The following AIMP1 variants were observed in gnomAD, a reference collection of about 807,000 sequenced individuals.
AIMP1 encodes aminoacyl tRNA synthetase complex interacting multifunctional protein 1, also known as aminoacyl tRNA synthase complex-interacting multifunctional protein 1.
In AIMP1, 24 loss-of-function variants were observed where a neutral mutation model predicts 33.1. That is an observed-to-expected ratio of 0.73 (90% CI 0.53 to 1.02). AIMP1 has a LOEUF of 1.02. Among genes scored for constraint, AIMP1 ranks in the 50% least tolerant of loss-of-function variants. The pLI is 0.00. For missense variants in AIMP1, 367 were observed against 364.8 expected (o/e 1.01, Z -0.05); for synonymous variants, 120 against 121.5 (o/e 0.99, Z 0.08).
chr4:106,329,807 A>G (rs1259782232), intron 4 of AIMP1, among the ~76,000 whole-genome samples: 1 of 95,138 alleles, frequency 1.1e-5, no homozygotes. Flanking sequence ...TTTTTTGGAG[A>G]CGGAGTCTTG....
At chr4:106,328,901 C>T (rs1044376975) in intron 4 of AIMP1, among the ~76,000 whole-genome samples, 2 of 152,168 alleles carry the variant, frequency 1.3e-5, no homozygotes, top group Non-Finnish European at 2.9e-5. Flanking sequence ...ATTAAAGCCT[C>T]ATCTTTTCTA....
chr4:106,316,267 G>A, upstream of AIMP1: 1 of 355,678 alleles, frequency 2.8e-6, no homozygotes, highest in East Asian at 4.8e-5. Flanking sequence ...ACCCAACGCT[G>A]AGGAAAGACC....
chr4:106,319,470 T>G (rs1423059308), intron 1 of AIMP1, among the ~76,000 whole-genome samples: 1 of 152,180 alleles, frequency 6.6e-6, no homozygotes, highest in Non-Finnish European at 1.5e-5. Context: ...TTTGATGAAG[T>G]ATGATAATTA....
intron 5 of AIMP1, among the ~76,000 whole-genome samples, chr4:106,335,711 G>T (rs761359086): frequency 6.6e-6 from 1 of 151,848 alleles, no homozygotes; most frequent in African/African-American, 2.4e-5. Flanking sequence ...AATTCATTTC[G>T]AATTTGACTC....
chr4:106,348,084 C>G lies in AIMP1; in HGVS notation c.*392C>G, dbSNP rs1217849407. ...TATTGTGTATCTGTATCAAAAATAT[C>G]CTCTCCTTTTCAAAAATGACAGGTT... On this transcript the variant is annotated 3_prime_UTR_variant, in exon 7 of 7. Coordinates refer to ENST00000672341, the MANE Select transcript of AIMP1 (RefSeq NM_001142416.2). The G allele has an allele frequency of 6.3e-6, 1 of 158,440 alleles. No individual in the cohort carries two copies. The highest frequency in any genetic ancestry group is 2.4e-5 in the African/African-American group (1 of 41,414). 9.8% of individuals were successfully genotyped at this position (158,440 alleles called of 1,614,324 possible).
At chr4:106,337,738 A>G (rs548314672) in intron 6 of AIMP1, among the ~76,000 whole-genome samples, 3 of 152,254 alleles carry the variant, frequency 2.0e-5, no homozygotes, top group Admixed American at 2.0e-4. Flanking sequence ...GGTTCAGAAA[A>G]AGATAGGAAA....
chr4:106,339,248 A>T (rs887567817), intron 6 of AIMP1, among the ~76,000 whole-genome samples: 12 of 152,178 alleles, frequency 7.9e-5, no homozygotes, highest in Admixed American at 2.0e-4. Context: ...ATGTGAGGAC[A>T]TGAGATTTGG....
intron 1 of AIMP1, among the ~76,000 whole-genome samples, chr4:106,320,700 G>A (rs1769182457): frequency 6.6e-6 from 1 of 152,016 alleles, no homozygotes; most frequent in Non-Finnish European, 1.5e-5. Flanking sequence ...CAAGGAAGTA[G>A]GAGGTGAAAT....
chr4:106,319,373 A>G (rs1185770815), intron 1 of AIMP1, among the ~76,000 whole-genome samples: 1 of 152,162 alleles, frequency 6.6e-6, no homozygotes, highest in African/African-American at 2.4e-5. Flanking sequence ...TTGTGTGTGT[A>G]TTTTAATGAT....
intron 5 of AIMP1, among the ~76,000 whole-genome samples, chr4:106,336,329 A>G (rs1769881425): frequency 6.6e-6 from 1 of 151,642 alleles, no homozygotes; most frequent in Non-Finnish European, 1.5e-5. Context: ...GGTGTGAGCC[A>G]CCACACCCAG....
chr4:106,320,559 GA>G (rs1769174646), intron 1 of AIMP1, among the ~76,000 whole-genome samples: 1 of 152,010 alleles, frequency 6.6e-6, no homozygotes, highest in Non-Finnish European at 1.5e-5. Context: ...CCCTGGAAAA[GA>G]AAGCTATCCC....
chr4:106,344,245 G>A (rs958143681), intron 6 of AIMP1, among the ~76,000 whole-genome samples: 1 of 151,858 alleles, frequency 6.6e-6, no homozygotes, highest in African/African-American at 2.4e-5. Flanking sequence ...TATTCCTTTG[G>A]CAATTTTACC....
chr4:106,325,182 AATAATGTTT>A lies in AIMP1; in HGVS notation c.109+66_109+74del, dbSNP rs1360505010. 6 of 1,406,334 alleles carry A rather than the reference AATAATGTTT, an allele frequency of 4.3e-6. No homozygotes were observed. In the African/African-American group the frequency reaches 8.6e-5, roughly 20 times the overall value. The allele number at this position is 1,406,334 out of a possible 1,614,324, so 87.1% of individuals were successfully genotyped here. On this transcript the variant is annotated intron_variant, in intron 2 of 6. Coordinates refer to ENST00000672341, the MANE Select transcript of AIMP1 (RefSeq NM_001142416.2). ...TGAATTCATACATTGATGGAGAAAAAATAATGTTTACCGCTTTAAGTTATTTAAGTTTTA... is the reference window on the plus strand; with the variant it reads ...TGAATTCATACATTGATGGAGAAAAAACCGCTTTAAGTTATTTAAGTTTTA...
intron 5 of AIMP1, among the ~76,000 whole-genome samples, chr4:106,335,441 TAAAAA>T (rs932984835): frequency 6.8e-6 from 1 of 146,330 alleles, no homozygotes; most frequent in Non-Finnish European, 1.5e-5. Context: ...AAATAAAAGT[TAAAAA>T]AAAAAAGATA....
At chr4:106,325,912 T>C (rs1769438124) in intron 2 of AIMP1, among the ~76,000 whole-genome samples, 1 of 152,158 alleles carries the variant, frequency 6.6e-6, no homozygotes, top group African/African-American at 2.4e-5. Context: ...AACAATAATA[T>C]GTATTTCAGT....
intron 5 of AIMP1, among the ~76,000 whole-genome samples, chr4:106,334,263 A>T (rs1579639340): frequency 6.7e-6 from 1 of 148,340 alleles, no homozygotes; most frequent in Middle Eastern, 3.6e-3. Flanking sequence ...AGAGATAGAT[A>T]AATTTCTTTT....
rs759181191 is a variant in AIMP1 at position 106,328,187 on chromosome 4, A to C, written c.335A>C (p.Gln112Pro). ...ACCGTATCTTCTGGTACCAAAGAAC[A>C]GATAAAAGGAGGAACAGGAGACGAA... Reference protein sequence around the residue: ...VTTVSSGTKEQIKGGTGDEKK... With the variant: ...VTTVSSGTKEPIKGGTGDEKK... Residue 112 changes from glutamine to proline, a missense_variant, in exon 4 of 7, where the codon CAG becomes CCG. Coordinates refer to ENST00000672341, the MANE Select transcript of AIMP1 (RefSeq NM_001142416.2). 2 of 1,613,008 alleles carry C rather than the reference A, an allele frequency of 1.2e-6. No homozygotes were observed. Among genetic ancestry groups the C allele is most frequent in the African/African-American group, 1.3e-5 (1 of 74,900 alleles).
At chr4:106,340,371 A>G (rs1273529155) in intron 6 of AIMP1, among the ~76,000 whole-genome samples, 1 of 152,058 alleles carries the variant, frequency 6.6e-6, no homozygotes. Flanking sequence ...TAGTATAGGA[A>G]TGATCCCATC....
At chr4:106,324,046 T>C (rs1477418973) in intron 1 of AIMP1, among the ~76,000 whole-genome samples, 1 of 152,034 alleles carries the variant, frequency 6.6e-6, no homozygotes, top group Non-Finnish European at 1.5e-5. Context: ...TCAGAATATT[T>C]TTTATATAGG....
Sources: gnomAD v4.1 joint callset for allele counts (sites outside exome capture counted in the v4.1 genomes callset) on GRCh38, gnomAD v4.1.1 for gene constraint, MANE v1.5 for transcripts, NCBI Gene and HGNC (gene_info 2026-07-23, HGNC 2026-07-21) for gene names.